The following FGD4 variants were observed in gnomAD, a reference collection of about 807,000 sequenced individuals.
The protein encoded by FGD4 is FYVE, RhoGEF and PH domain-containing protein 4.
FGD4 carries 42 observed loss-of-function variants against 102.0 expected under a neutral mutation model. The ratio of observed to expected loss-of-function variants is 0.41; its 90% CI spans 0.32 to 0.53. The LOEUF (loss-of-function observed/expected upper bound fraction) is 0.53, where lower values mean the gene tolerates loss of function less well. Ranked by LOEUF, FGD4 falls within the 20% of genes least tolerant of loss-of-function variation. The pLI, the probability that FGD4 is intolerant of heterozygous loss-of-function variation, is 0.21. For synonymous variants in FGD4, 380 were observed against 375.7 expected (o/e 1.01, Z -0.13); for missense variants, 902 against 1,078.2 (o/e 0.84, Z 2.29).
chr12:32,600,442 C>T (rs1948307311), intron 5 of FGD4: 1 of 1,287,858 alleles, frequency 7.8e-7, no homozygotes, highest in African/African-American at 1.5e-5. Flanking sequence ...AGAAAATTAA[C>T]AACCATCTGG....
chr12:32,488,790 T>C (rs1288586420), intron 1 of FGD4, among the ~76,000 whole-genome samples: 1 of 149,086 alleles, frequency 6.7e-6, no homozygotes, highest in Non-Finnish European at 1.5e-5. Context: ...AATACAAAAA[T>C]TAGCTGGGCG....
intron 1 of FGD4, among the ~76,000 whole-genome samples, chr12:32,436,334 G>A (rs1018624854): frequency 6.6e-6 from 1 of 152,210 alleles, no homozygotes; most frequent in Non-Finnish European, 1.5e-5. Flanking sequence ...AGGAACACCT[G>A]TATCTTTTCC....
At chr12:32,620,521 T>TTTCTTTCTTTCTTTC (rs1491118045) in intron 11 of FGD4, among the ~76,000 whole-genome samples, 17 of 43,372 alleles carry the variant, frequency 3.9e-4, no homozygotes, top group African/African-American at 1.5e-3. Flanking sequence ...TTTTTCTTTC[T>TTTCTTTCTTTCTTTC]TTTTTTTTTT....
chr12:32,429,293 G>C (rs1941963069), intron 1 of FGD4, among the ~76,000 whole-genome samples: 1 of 152,198 alleles, frequency 6.6e-6, no homozygotes, highest in African/African-American at 2.4e-5. Context: ...CTCTGCTGCA[G>C]GTCTGCTGGA....
intron 7 of FGD4, 26 bp from the exon 8 acceptor site, chr12:32,607,931 T>G: frequency 6.2e-7 from 1 of 1,614,102 alleles, no homozygotes; most frequent in Non-Finnish European, 8.5e-7. Context: ...TTTTAAATGT[T>G]TCTTAGAAAA....
chr12:32,555,733 G>A (rs552763071), intron 1 of FGD4, among the ~76,000 whole-genome samples: 10 of 151,876 alleles, frequency 6.6e-5, no homozygotes, highest in South Asian at 2.1e-4. Context: ...CACCACGCCC[G>A]GCTAATTTTT....
intron 1 of FGD4, among the ~76,000 whole-genome samples, chr12:32,450,727 T>C (rs981910477): frequency 6.6e-6 from 1 of 152,248 alleles, no homozygotes; most frequent in Non-Finnish European, 1.5e-5. Context: ...CACATTTACA[T>C]GTTGTCTCTC....
At chr12:32,419,335 C>T (rs7313432) in intron 1 of FGD4, among the ~76,000 whole-genome samples, 28,144 of 152,144 alleles carry the variant, frequency 0.18, 3,121 homozygotes, top group East Asian at 0.29. Flanking sequence ...GAGCCCAGTG[C>T]CTATGGTATA....
intron 1 of FGD4, among the ~76,000 whole-genome samples, chr12:32,474,246 C>G (rs904904495): frequency 1.3e-5 from 2 of 152,102 alleles, no homozygotes; most frequent in African/African-American, 4.8e-5. Context: ...AATTCTGTAC[C>G]TAGACATATA....
chr12:32,572,549 T>C (rs1461814929), intron 2 of FGD4, among the ~76,000 whole-genome samples: 1 of 152,186 alleles, frequency 6.6e-6, no homozygotes, highest in Admixed American at 6.5e-5. Context: ...AACTTTAGGG[T>C]TTTCCATTCT....
At chr12:32,494,784 T>G (rs1052016155) in intron 1 of FGD4, among the ~76,000 whole-genome samples, 5 of 152,106 alleles carry the variant, frequency 3.3e-5, no homozygotes, top group Admixed American at 6.5e-5. Flanking sequence ...ACCTGTGGGT[T>G]TGGAGCTGAG....
chr12:32,507,279 A>C lies in FGD4; in HGVS notation c.167-56858A>C, dbSNP rs1338783571. Among the ~76,000 whole-genome samples the C allele has an allele frequency of 3.3e-5, 5 of 152,014 alleles. No homozygotes were observed. In the South Asian group the frequency reaches 8.3e-4, roughly 25 times the overall value. On this transcript the variant is annotated intron_variant, in intron 1 of 16. Transcript: ENST00000534526. Reference sequence around the variant, plus strand: ...TGAACTTGTCATTTTTTATGGCTGCATAGTATTCCATGGTGTATATGTGCC... The same window carrying C: ...TGAACTTGTCATTTTTTATGGCTGCCTAGTATTCCATGGTGTATATGTGCC...
chr12:32,559,612 A>G (rs1277122730), intron 1 of FGD4, among the ~76,000 whole-genome samples: 1 of 152,244 alleles, frequency 6.6e-6, no homozygotes, highest in African/African-American at 2.4e-5. Flanking sequence ...ACTTATTTTA[A>G]AAATAGATGC....
At chr12:32,587,786 G>T (rs1381072344) in intron 4 of FGD4, among the ~76,000 whole-genome samples, 1 of 152,178 alleles carries the variant, frequency 6.6e-6, no homozygotes, top group Non-Finnish European at 1.5e-5. Context: ...TTGAGAGAAG[G>T]AAGTAGAGTT....
Position 32,640,563 on chromosome 12 carries a change from G to T in FGD4, c.*30G>T, listed in dbSNP as rs1221485749. 6.2e-7 allele frequency: 1 copy of T among 1,612,860 alleles called. No homozygotes were observed. Among genetic ancestry groups the T allele is most frequent in the Non-Finnish European group, 8.5e-7 (1 of 1,180,010 alleles). ...CTCCAGGACCAGCCATGGTGTGGAGGTCTCAGGACTTACAGCTCAAGACAT... is the reference window on the plus strand; with the variant it reads ...CTCCAGGACCAGCCATGGTGTGGAGTTCTCAGGACTTACAGCTCAAGACAT... On this transcript the variant is annotated 3_prime_UTR_variant, in exon 17 of 17. Transcript: ENST00000534526.
At chr12:32,542,186 CAA>C (rs1942897884) in intron 1 of FGD4, among the ~76,000 whole-genome samples, 1 of 152,034 alleles carries the variant, frequency 6.6e-6, no homozygotes. Context: ...AACTGCAAAA[CAA>C]AGTGTTGCAA....
chr12:32,625,633 G>T (rs1046824638), intron 13 of FGD4, 21 bp from the exon 14 acceptor site: 16 of 1,612,342 alleles, frequency 9.9e-6, no homozygotes, highest in African/African-American at 1.3e-5. Flanking sequence ...TATTAAAATT[G>T]AATCTTTCTT....
rs748534766 is a variant in FGD4 at position 32,582,455 on chromosome 12, C to T, written c.999C>T (p.His333=). The T allele has an allele frequency of 1.4e-5, 22 of 1,610,648 alleles. No individual in the cohort carries two copies. The highest frequency in any genetic ancestry group is 1.8e-5 in the Non-Finnish European group (21 of 1,180,008). The part of the protein sequence containing the change: ...SPLELEQLDQ[H]HEMKETNEQK... ...TGGAACTGGAGCAGCTGGACCAGCA[C>T]CATGAGATGAAGGTAGAGCATGAGA... The change falls in exon 4 of 17, where the codon CAC becomes CAT. Residue 333 remains histidine, a synonymous_variant. Transcript: ENST00000534526.
intron 1 of FGD4, among the ~76,000 whole-genome samples, chr12:32,413,086 A>AT (rs1010760290): frequency 3.3e-5 from 5 of 150,616 alleles, no homozygotes; most frequent in African/African-American, 4.9e-5. Context: ...CCAAAAAAAA[A>AT]TTTTTTTTAA....
Sources: gnomAD v4.1 joint callset for allele counts (sites outside exome capture counted in the v4.1 genomes callset) on GRCh38, gnomAD v4.1.1 for gene constraint, MANE v1.5 for transcripts, NCBI Gene and HGNC (gene_info 2026-07-23, HGNC 2026-07-21) for gene names.